SORCS3: variants seen among roughly 807,000 people sequenced by gnomAD.
SORCS3 encodes sortilin related VPS10 domain containing receptor 3.
Under a neutral mutation model 146.3 loss-of-function variants are expected in SORCS3, and 57 were observed. That is an observed-to-expected ratio of 0.39 (90% CI 0.31 to 0.49). The LOEUF is 0.49. Among genes scored for constraint, SORCS3 ranks in the 20% least tolerant of loss-of-function variants. The pLI is 0.92. For missense variants in SORCS3, 1,341 were observed against 1,575.5 expected, an observed-to-expected ratio of 0.85 and a Z score of 2.52; for synonymous variants, 653 against 618.5, an observed-to-expected ratio of 1.06 and a Z score of -0.83.
intron 1 of SORCS3, 150 bp downstream of exon 1, chr10:104,642,104 C>T (rs2015428455): frequency 6.2e-6 from 6 of 967,684 alleles, no homozygotes; most frequent in Non-Finnish European, 7.4e-6. Flanking sequence ...CGATTCCCCC[C>T]ACGCCCCCAA....
At chr10:105,245,317 C>A (rs72819918) in intron 20 of SORCS3, among the ~76,000 whole-genome samples, 12,319 of 152,078 alleles carry the variant, frequency 0.081, 572 homozygotes, top group Middle Eastern at 0.17. Context: ...GATGCCCAGT[C>A]TTATCCTTAT....
intron 1 of SORCS3, among the ~76,000 whole-genome samples, chr10:104,720,805 C>T (rs1286766598): frequency 1.3e-5 from 2 of 152,132 alleles, no homozygotes; most frequent in Non-Finnish European, 2.9e-5. Flanking sequence ...TATCCTTTGC[C>T]CACTTGTTGA....
intron 1 of SORCS3, among the ~76,000 whole-genome samples, chr10:104,723,714 A>T (rs2016582315): frequency 6.6e-6 from 1 of 152,094 alleles, no homozygotes; most frequent in Admixed American, 6.5e-5. Flanking sequence ...TGTTGAATTG[A>T]TCCCTTTCCA....
chr10:105,217,017 G>A lies in SORCS3; in HGVS notation c.2629G>A (p.Asp877Asn), dbSNP rs1224979773. 3.7e-6 allele frequency: 6 copies of A among 1,614,046 alleles called. No individual in the cohort carries two copies. Among genetic ancestry groups the A allele is most frequent in the Non-Finnish European group, 5.1e-6 (6 of 1,180,030 alleles). ...CTACGCAAACTTCAGCCCCATCGAG[G>A]ACGGCATCAAGCACGTGTATAAGAG... Reference protein sequence around the residue: ...VSYANFSPIEDGIKHVYKSAG... With the variant: ...VSYANFSPIENGIKHVYKSAG... The change falls in exon 19 of 27, where the codon GAC (aspartate) becomes AAC (asparagine). Residue 877 changes from aspartate to asparagine, a missense_variant. Transcript: ENST00000369701.
chr10:104,788,093 A>C (rs1480613905), intron 1 of SORCS3, among the ~76,000 whole-genome samples: 1 of 152,122 alleles, frequency 6.6e-6, no homozygotes, highest in Non-Finnish European at 1.5e-5. Context: ...TATTTAATTT[A>C]ATTTTGCTGA....
chr10:104,835,594 T>G (rs921316493), intron 1 of SORCS3, among the ~76,000 whole-genome samples: 1 of 152,218 alleles, frequency 6.6e-6, no homozygotes, highest in African/African-American at 2.4e-5. Context: ...ATTTGCAGAT[T>G]ACACATTTCC....
chr10:104,696,234 T>A (rs2016185383), intron 1 of SORCS3, among the ~76,000 whole-genome samples: 1 of 125,598 alleles, frequency 8.0e-6, no homozygotes, highest in African/African-American at 3.1e-5. Context: ...ATAATATATA[T>A]CATATACACA....
At chr10:104,837,908 A>G (rs1165807480) in intron 1 of SORCS3, among the ~76,000 whole-genome samples, 1 of 152,188 alleles carries the variant, frequency 6.6e-6, no homozygotes, top group South Asian at 2.1e-4. Context: ...CAGAACAAGC[A>G]TGGTTGAGTC....
intron 2 of SORCS3, among the ~76,000 whole-genome samples, chr10:104,883,247 A>ATAAC (rs2018648319): frequency 6.6e-6 from 1 of 152,208 alleles, no homozygotes. Context: ...AAGCTATCAG[A>ATAAC]GCCTTTCAGC....
intron 2 of SORCS3, among the ~76,000 whole-genome samples, chr10:104,889,889 G>A (rs2018730614): frequency 6.6e-6 from 1 of 152,018 alleles, no homozygotes. Context: ...TGTGGTACCA[G>A]TATACAGATG....
At chr10:105,011,568 G>C (rs921101742) in intron 4 of SORCS3, among the ~76,000 whole-genome samples, 1 of 151,948 alleles carries the variant, frequency 6.6e-6, no homozygotes, top group Admixed American at 6.6e-5. Flanking sequence ...TCTTAATTGC[G>C]TGGCTCCTAT....
At chr10:104,904,530 A>G (rs1405671133) in intron 2 of SORCS3, among the ~76,000 whole-genome samples, 2 of 152,136 alleles carry the variant, frequency 1.3e-5, no homozygotes, top group African/African-American at 4.8e-5. Context: ...AAACTGACCA[A>G]CTGGCCAGAG....
chr10:104,663,764 C>CA (rs1263415519), intron 1 of SORCS3, among the ~76,000 whole-genome samples: 6 of 152,328 alleles, frequency 3.9e-5, no homozygotes, highest in Non-Finnish European at 8.8e-5. Context: ...ACTTTGAACA[C>CA]ATGCATGCTG....
intron 1 of SORCS3, among the ~76,000 whole-genome samples, chr10:104,655,985 C>T (rs2015625154): frequency 6.6e-6 from 1 of 152,160 alleles, no homozygotes; most frequent in African/African-American, 2.4e-5. Flanking sequence ...TGAGAATGGA[C>T]TAACACATCA....
intron 20 of SORCS3, among the ~76,000 whole-genome samples, chr10:105,228,584 TTTC>T (rs2056748371): frequency 6.6e-6 from 1 of 152,174 alleles, no homozygotes; most frequent in Non-Finnish European, 1.5e-5. Flanking sequence ...AAATATTTCA[TTTC>T]TTCTTCATTT....
intron 4 of SORCS3, among the ~76,000 whole-genome samples, chr10:104,990,363 G>A (rs2054986088): frequency 1.3e-5 from 2 of 152,000 alleles, no homozygotes; most frequent in African/African-American, 2.4e-5. Flanking sequence ...AATACCAATG[G>A]GTTTTATTTT....
intron 1 of SORCS3, among the ~76,000 whole-genome samples, chr10:104,791,957 A>G (rs2017499750): frequency 6.6e-6 from 1 of 152,114 alleles, no homozygotes; most frequent in Admixed American, 6.6e-5. Context: ...TTTAATTGGG[A>G]ATCTTTAGAT....
intron 3 of SORCS3, among the ~76,000 whole-genome samples, chr10:104,960,696 C>T (rs148755523): frequency 2.6e-4 from 40 of 152,210 alleles, no homozygotes; most frequent in African/African-American, 9.1e-4. Context: ...CTCAAAACTG[C>T]CACGTAGGGT....
At chr10:104,652,555 G>T (rs1035910230) in intron 1 of SORCS3, among the ~76,000 whole-genome samples, 6 of 152,186 alleles carry the variant, frequency 3.9e-5, no homozygotes, top group African/African-American at 1.4e-4. Flanking sequence ...CAACAGATTT[G>T]AGACCAGATG....
Sources: allele counts gnomAD v4.1 joint callset (sites outside exome capture counted in the v4.1 genomes callset), GRCh38; gene constraint gnomAD v4.1.1; transcripts MANE v1.5; gene names NCBI Gene and HGNC (gene_info 2026-07-23, HGNC 2026-07-21).